Variants in SORCS1 observed in about 807,000 individuals in gnomAD.
SORCS1 encodes the protein VPS10 domain-containing receptor SorCS1.
Under a neutral mutation model 146.1 loss-of-function variants are expected in SORCS1, and 60 were observed. That is an observed-to-expected ratio of 0.41 (90% CI 0.33 to 0.51). The LOEUF is 0.51. Among genes scored for constraint, SORCS1 ranks in the 20% least tolerant of loss-of-function variants. The pLI, the probability that SORCS1 is intolerant of heterozygous loss-of-function variation, is 0.21. For synonymous variants in SORCS1, 637 were observed against 584.0 expected (o/e 1.09, Z -1.31); for missense variants, 1,352 against 1,487.6 (o/e 0.91, Z 1.50).
At chr10:106,950,529 T>C (rs1443558091) in intron 2 of SORCS1, among the ~76,000 whole-genome samples, 2 of 152,156 alleles carry the variant, frequency 1.3e-5, no homozygotes, top group Non-Finnish European at 2.9e-5. Context: ...AGTAAGGCAA[T>C]TGCTGCTCAG....
chr10:106,796,363 A>G (rs1443009150), intron 3 of SORCS1, among the ~76,000 whole-genome samples: 1 of 152,148 alleles, frequency 6.6e-6, no homozygotes, highest in Non-Finnish European at 1.5e-5. Flanking sequence ...TAAATCTAAG[A>G]TCAGAAATTT....
At chr10:106,614,703 A>G (rs1462643895) in intron 21 of SORCS1, among the ~76,000 whole-genome samples, 1 of 152,242 alleles carries the variant, frequency 6.6e-6, no homozygotes, top group Non-Finnish European at 1.5e-5. Flanking sequence ...CACAAATGAG[A>G]AAATGATGCA....
chr10:106,964,153 G>T (rs547422901), intron 1 of SORCS1, among the ~76,000 whole-genome samples: 2 of 152,294 alleles, frequency 1.3e-5, no homozygotes, highest in South Asian at 4.1e-4. Flanking sequence ...TTACCTAAAG[G>T]TTAGAGTATG....
At chr10:106,867,337 T>A (rs1950258542) in intron 2 of SORCS1, among the ~76,000 whole-genome samples, 5 of 151,412 alleles carry the variant, frequency 3.3e-5, no homozygotes, top group Admixed American at 3.3e-4. Context: ...CACGCTGGAG[T>A]GCAGTGGTGC....
At chr10:106,840,130 T>C in intron 2 of SORCS1, among the ~76,000 whole-genome samples, 1 of 152,232 alleles carries the variant, frequency 6.6e-6, no homozygotes, top group East Asian at 1.9e-4. Context: ...AAATACACTT[T>C]GTAAGGCTAC....
rs529244219 is a variant in SORCS1 at position 107,019,037 on chromosome 10, C to T, written c.559-62457G>A. Among the ~76,000 whole-genome samples the T allele has an allele frequency of 2.0e-4, 31 of 152,096 alleles. No homozygotes were observed. The South Asian group carries it at 6.0e-3, about 30-fold the overall frequency. On this transcript the variant is annotated intron_variant, in intron 1 of 25. Transcript: ENST00000263054. Reference sequence around the variant, plus strand: ...TAACAATCTGAGCCTTGTTTTTTTGCATCTGTGAAGAGGATCCCAGCTCAT... The same window carrying T: ...TAACAATCTGAGCCTTGTTTTTTTGTATCTGTGAAGAGGATCCCAGCTCAT...
At chr10:106,805,208 G>T (rs1947101229) in intron 3 of SORCS1, among the ~76,000 whole-genome samples, 1 of 151,970 alleles carries the variant, frequency 6.6e-6, no homozygotes, top group East Asian at 1.9e-4. Flanking sequence ...GGTGTTTAGA[G>T]ATAACAAATC....
At chr10:107,091,761 C>G (rs990147948) in intron 1 of SORCS1, among the ~76,000 whole-genome samples, 1 of 152,164 alleles carries the variant, frequency 6.6e-6, no homozygotes, top group Non-Finnish European at 1.5e-5. Context: ...TTTGGTCCTT[C>G]AAAGCCTAAA....
intron 5 of SORCS1, among the ~76,000 whole-genome samples, chr10:106,748,965 A>C (rs1326273071): frequency 1.3e-5 from 2 of 152,232 alleles, no homozygotes; most frequent in Non-Finnish European, 2.9e-5. Flanking sequence ...CATTTTGGGG[A>C]AAGTTATTTA....
At chr10:106,697,236 G>A (rs1853768546) in intron 9 of SORCS1, among the ~76,000 whole-genome samples, 2 of 152,156 alleles carry the variant, frequency 1.3e-5, no homozygotes, top group South Asian at 4.1e-4. Context: ...AGGCCGAGGC[G>A]GGCAGATCAC....
At chr10:106,664,720 T>C (rs1000863071) in intron 17 of SORCS1, among the ~76,000 whole-genome samples, 3 of 152,124 alleles carry the variant, frequency 2.0e-5, no homozygotes, top group African/African-American at 4.8e-5. Context: ...TGGTCTATGA[T>C]TGAGTAGCAT....
At chr10:106,855,300 A>T (rs992171219) in intron 2 of SORCS1, among the ~76,000 whole-genome samples, 2 of 152,092 alleles carry the variant, frequency 1.3e-5, no homozygotes, top group Admixed American at 6.5e-5. Flanking sequence ...AGTTTTTTTT[A>T]AATCTTTGAT....
At chr10:107,011,775 G>A (rs1445963639) in intron 1 of SORCS1, among the ~76,000 whole-genome samples, 1 of 152,068 alleles carries the variant, frequency 6.6e-6, no homozygotes, top group African/African-American at 2.4e-5. Context: ...GTATATGGGG[G>A]TTCTCTATCC....
At chr10:107,047,428 T>C (rs1419254424) in intron 1 of SORCS1, among the ~76,000 whole-genome samples, 1 of 152,166 alleles carries the variant, frequency 6.6e-6, no homozygotes, top group South Asian at 2.1e-4. Flanking sequence ...ACAGCCCTGA[T>C]AGGTTATTAT....
rs575426580 is a variant in SORCS1, at chr10:106,946,169, G to A, written c.626+10344C>T. ...AGGATAGAAACAAGTGTATGACATA[G>A]GCCTGGCTTTCAGTGACACTAAATC... On this transcript the variant is annotated intron_variant, in intron 2 of 25. Transcript: ENST00000263054. Among the ~76,000 whole-genome samples the A allele has an allele frequency of 2.0e-5, 3 of 152,138 alleles. No individual in the cohort carries two copies. In the East Asian group the frequency reaches 5.8e-4, roughly 29 times the overall value.
chr10:106,898,881 TC>T (rs1951590457), intron 2 of SORCS1, among the ~76,000 whole-genome samples: 1 of 152,208 alleles, frequency 6.6e-6, no homozygotes, highest in Non-Finnish European at 1.5e-5. Context: ...TTATATTCTG[TC>T]CCCAGCTCCT....
intron 6 of SORCS1, among the ~76,000 whole-genome samples, chr10:106,716,200 T>C (rs1434061115): frequency 1.3e-5 from 2 of 152,150 alleles, no homozygotes; most frequent in Non-Finnish European, 2.9e-5. Context: ...GCCAAATAAG[T>C]AGGGCTACAA....
chr10:107,049,267 T>C (rs796170856), intron 1 of SORCS1, among the ~76,000 whole-genome samples: 1 of 97,868 alleles, frequency 1.0e-5, no homozygotes, highest in Non-Finnish European at 1.9e-5. Context: ...TGGGTACTGT[T>C]GTGGGGTGGG....
intron 1 of SORCS1, among the ~76,000 whole-genome samples, chr10:106,987,471 T>C (rs983121704): frequency 6.6e-6 from 1 of 152,194 alleles, no homozygotes; most frequent in Admixed American, 6.5e-5. Flanking sequence ...TCTTGGGACT[T>C]CTCCACAATC....
Sources: gnomAD v4.1 joint callset for allele counts (sites outside exome capture counted in the v4.1 genomes callset) on GRCh38, gnomAD v4.1.1 for gene constraint, MANE v1.5 for transcripts, NCBI Gene and HGNC (gene_info 2026-07-23, HGNC 2026-07-21) for gene names.